The following RALGPS2 variants were observed in gnomAD, a reference collection of about 807,000 sequenced individuals.
RALGPS2 encodes the protein Ral GEF with PH domain and SH3 binding motif 2.
A neutral mutation model predicts 86.8 loss-of-function variants in RALGPS2; 43 were observed. That is an observed-to-expected ratio of 0.50 (90% CI 0.39 to 0.64). RALGPS2 has a LOEUF of 0.64. Ranked by LOEUF, RALGPS2 falls within the 30% of genes least tolerant of loss-of-function variation. The pLI is 0.00. For synonymous variants in RALGPS2, 243 were observed against 231.3 expected (o/e 1.05, Z -0.46); for missense variants, 536 against 694.6 (o/e 0.77, Z 2.57).
chr1:178,748,841 ACT>A (rs1243700169), intron 1 of RALGPS2, among the ~76,000 whole-genome samples: 2 of 119,458 alleles, frequency 1.7e-5, no homozygotes, highest in East Asian at 5.0e-4. Flanking sequence ...ACAGAGTGAG[ACT>A]CTGTCTCAAA....
intron 4 of RALGPS2, among the ~76,000 whole-genome samples, 165 bp from the exon 5 acceptor site, chr1:178,807,879 AT>A (rs1654814251): frequency 6.6e-6 from 1 of 152,260 alleles, no homozygotes; most frequent in Non-Finnish European, 1.5e-5. Context: ...TGCTAATCAA[AT>A]TTGCTTTTGT....
intron 8 of RALGPS2, among the ~76,000 whole-genome samples, chr1:178,847,714 T>C (rs1164964472): frequency 6.6e-6 from 1 of 152,226 alleles, no homozygotes; most frequent in African/African-American, 2.4e-5. Flanking sequence ...AGGTTTATTC[T>C]GCTGCTTATA....
chr1:178,883,043 G>A lies in RALGPS2; in HGVS notation c.837-423G>A, dbSNP rs138832058. ...TCATTCATCAAATATCTTTAAATGT[G>A]TTCCATGGTTTGGCAACTTTGGGGT... is the stretch of plus-strand genomic sequence containing the variant. On this transcript the variant is annotated intron_variant, in intron 10 of 19. Transcript: ENST00000367635. Among the ~76,000 whole-genome samples the A allele has an allele frequency of 8.3e-3, 1,262 of 152,254 alleles. 16 individuals are homozygous for A. Among genetic ancestry groups the A allele is most frequent in the African/African-American group, 0.029 (1,187 of 41,542 alleles).
chr1:178,852,575 C>A lies in RALGPS2; in HGVS notation c.607+19025C>A, dbSNP rs1657245646. The A allele has an allele frequency of 3.2e-6, 4 of 1,247,728 alleles. No homozygotes were observed. The East Asian group carries it at 7.3e-5, about 23-fold the overall frequency. 77.3% of individuals were successfully genotyped at this position (1,247,728 alleles called of 1,614,324 possible). On this transcript the variant is annotated intron_variant, in intron 8 of 19. Coordinates refer to ENST00000367635, the MANE Select transcript of RALGPS2 (RefSeq NM_152663.5). ...TTGGTTGTATTTCCTGCCACAGTGA[C>A]CAAAACTGACCTTTTTGAAAAGACT...
At position 178,792,803 on chromosome 1, in the gene RALGPS2, C is replaced by T. The variant is rs187587901; in HGVS notation, c.213+7196C>T. On this transcript the variant is annotated intron_variant, in intron 4 of 19. Coordinates refer to ENST00000367635, the MANE Select transcript of RALGPS2 (RefSeq NM_152663.5). ...GTCTCTTAGTGGTGGGGAGAAAATA[C>T]AATAACATGGTTGTAACTGTAAACT... is the stretch of plus-strand genomic sequence containing the variant. 3.1e-3 allele frequency among the ~76,000 whole-genome samples: 467 copies of T among 152,252 alleles called. 4 individuals are homozygous for T. Among genetic ancestry groups the T allele is most frequent in the African/African-American group, 0.01 (432 of 41,556 alleles).
intron 7 of RALGPS2, among the ~76,000 whole-genome samples, chr1:178,826,021 C>A (rs560494665): frequency 5.9e-5 from 9 of 152,138 alleles, no homozygotes; most frequent in Non-Finnish European, 1.3e-4. Flanking sequence ...AAAGGGAATG[C>A]TTAGAGAAAA....
At chr1:178,772,879 G>A (rs1198046632) in intron 1 of RALGPS2, among the ~76,000 whole-genome samples, 1 of 152,158 alleles carries the variant, frequency 6.6e-6, no homozygotes, top group African/African-American at 2.4e-5. Flanking sequence ...TCGGCTCACT[G>A]CAACCTCTGC....
chr1:178,824,216 G>C (rs967172075), intron 7 of RALGPS2, among the ~76,000 whole-genome samples: 5 of 152,122 alleles, frequency 3.3e-5, no homozygotes, highest in Admixed American at 2.0e-4. Flanking sequence ...GGAGTTGAGA[G>C]AATGGTGATG....
intron 14 of RALGPS2, among the ~76,000 whole-genome samples, chr1:178,891,638 G>A (rs192372825): frequency 5.3e-5 from 8 of 151,872 alleles, no homozygotes; most frequent in Admixed American, 3.9e-4. Flanking sequence ...TGCCATTTTG[G>A]ATAAGTATTA....
At chr1:178,739,367 A>T (rs575533995) in intron 1 of RALGPS2, among the ~76,000 whole-genome samples, 103 of 152,334 alleles carry the variant, frequency 6.8e-4, no homozygotes, top group Non-Finnish European at 1.3e-3. Flanking sequence ...AACCACAGTA[A>T]ATAACATAAA....
In RALGPS2 at chr1:178,745,216, A is replaced by G. The variant is rs547393700; in HGVS notation, c.-84+19797A>G. 6.6e-5 allele frequency among the ~76,000 whole-genome samples: 10 copies of G among 152,322 alleles called. No homozygotes were observed. In the South Asian group the frequency reaches 2.1e-3, roughly 32 times the overall value. On this transcript the variant is annotated intron_variant, in intron 1 of 19. Coordinates refer to ENST00000367635, the MANE Select transcript of RALGPS2 (RefSeq NM_152663.5). ...AAATTGATCAATGTGATTCCAGTCA[A>G]AATGCCAGCAGGCTTTCTTTTTTGG...
intron 8 of RALGPS2, among the ~76,000 whole-genome samples, chr1:178,872,486 T>G (rs1658811621): frequency 1.3e-5 from 2 of 152,272 alleles, no homozygotes; most frequent in East Asian, 3.9e-4. Flanking sequence ...CAGCTGTGCT[T>G]GTGGCCATGA....
Position 178,776,755 on chromosome 1 carries a change from T to C in RALGPS2, c.-10T>C. ...CTGTTAACATAAGGTCAGGGACTGATGAGGAAAGCATGGACCTAATGAACG... is the reference window on the plus strand; with the variant it reads ...CTGTTAACATAAGGTCAGGGACTGACGAGGAAAGCATGGACCTAATGAACG... On this transcript the variant is annotated 5_prime_UTR_variant, in exon 2 of 20. The change abolishes an upstream ATG in the 5' untranslated region. Coordinates refer to ENST00000367635, the MANE Select transcript of RALGPS2 (RefSeq NM_152663.5). 1 of 1,610,886 alleles carries C rather than the reference T, an allele frequency of 6.2e-7. No homozygotes were observed. The highest frequency in any genetic ancestry group is 8.5e-7 in the Non-Finnish European group (1 of 1,177,898).
chr1:178,882,257 A>T (rs1348311381), intron 10 of RALGPS2, among the ~76,000 whole-genome samples: 1 of 152,176 alleles, frequency 6.6e-6, no homozygotes, highest in South Asian at 2.1e-4. Context: ...GGGAAATGGT[A>T]GTTATTTCAT....
chr1:178,824,740 C>A (rs563699145), intron 7 of RALGPS2, among the ~76,000 whole-genome samples: 1 of 151,722 alleles, frequency 6.6e-6, no homozygotes, highest in African/African-American at 2.4e-5. Context: ...ACCCAGGAGG[C>A]GGAGCTTGCA....
At chr1:178,853,390 A>G (rs1657310650) in intron 8 of RALGPS2, among the ~76,000 whole-genome samples, 1 of 152,318 alleles carries the variant, frequency 6.6e-6, no homozygotes, top group East Asian at 1.9e-4. Context: ...ATTTAAAAGT[A>G]TATCTTCTGT....
chr1:178,747,407 G>C, intron 1 of RALGPS2: 9 of 1,549,262 alleles, frequency 5.8e-6, no homozygotes, highest in East Asian at 2.2e-5. Context: ...CACATCTTCT[G>C]ACAAGAGCTT....
chr1:178,864,702 G>C (rs556917101), intron 8 of RALGPS2, among the ~76,000 whole-genome samples: 6 of 152,174 alleles, frequency 3.9e-5, no homozygotes, highest in African/African-American at 1.4e-4. Context: ...GTAGCCCCTC[G>C]ATCATAAGAA....
intron 8 of RALGPS2, chr1:178,853,824 A>G (rs374044134): frequency 1.1e-4 from 170 of 1,482,010 alleles, no homozygotes; most frequent in Middle Eastern, 1.8e-4. Flanking sequence ...AGCAAACTTA[A>G]TATGAGAAGA....
Sources: allele counts gnomAD v4.1 joint callset (sites outside exome capture counted in the v4.1 genomes callset), GRCh38; gene constraint gnomAD v4.1.1; transcripts MANE v1.5; gene names NCBI Gene and HGNC (gene_info 2026-07-23, HGNC 2026-07-21).